The following RNF115 variants were observed in gnomAD, a reference collection of about 807,000 sequenced individuals.
RNF115 encodes the protein ring finger protein 115, also known as E3 ubiquitin-protein ligase RNF115.
RNF115 carries 31 observed loss-of-function variants against 39.2 expected under a neutral mutation model. The observed-to-expected ratio is 0.79, with a 90% CI of 0.59 to 1.07. The LOEUF (loss-of-function observed/expected upper bound fraction) is 1.07, where lower values mean the gene tolerates loss of function less well. Ranked by LOEUF, RNF115 falls within the 50% of genes least tolerant of loss-of-function variation. The pLI is 0.00. For synonymous variants in RNF115, 124 were observed against 131.0 expected, an observed-to-expected ratio of 0.95 and a Z score of 0.37; for missense variants, 384 against 381.7, an observed-to-expected ratio of 1.01 and a Z score of -0.05.
rs184804387 is a variant in RNF115, at chr1:145,786,748, A to G, written c.162-2152T>C. ...ATCTTTTAATTAGCACATGCAGAGC[A>G]TAAGTGCCTGAAATAAGTTATTTGA... On this transcript the variant is annotated intron_variant, in intron 2 of 8. Transcript: ENST00000582693. 2.6e-5 allele frequency among the ~76,000 whole-genome samples: 4 copies of G among 152,386 alleles called. No homozygotes were observed. In the East Asian group the frequency reaches 5.8e-4, roughly 22 times the overall value.
intron 1 of RNF115, among the ~76,000 whole-genome samples, chr1:145,790,204 G>C (rs1412017035): frequency 6.6e-6 from 1 of 151,988 alleles, no homozygotes; most frequent in East Asian, 1.9e-4. Flanking sequence ...GCAATGGTGC[G>C]ATCTTGGCTC....
At chr1:145,750,548 T>C in intron 6 of RNF115, 48 bp from the exon 7 acceptor site, 4 of 1,448,616 alleles carry the variant, frequency 2.8e-6, no homozygotes, top group Non-Finnish European at 3.9e-6. Flanking sequence ...CATCGCAATA[T>C]CCCTGGAGAG....
rs967234718 is a variant in RNF115, at chr1:145,823,939, C to T, written c.-66G>A. 1 of 1,185,492 alleles carries T rather than the reference C, an allele frequency of 8.4e-7. No homozygotes were observed. Among genetic ancestry groups the T allele is most frequent in the Admixed American group, 4.0e-5 (1 of 24,844 alleles). The allele number at this position is 1,185,492 out of a possible 1,614,324, so 73.4% of individuals were successfully genotyped here. On this transcript the variant is annotated 5_prime_UTR_variant, in exon 1 of 9. Coordinates refer to ENST00000582693, the MANE Select transcript of RNF115 (RefSeq NM_014455.4). ...CGTCCCTCGCCAGGCCGCTACCTCC[C>T]GAGCTGCAGTCGTCGCCGCCGCCGC...
At chr1:145,757,984 G>C (rs587752709) in intron 4 of RNF115, among the ~76,000 whole-genome samples, 36 of 152,262 alleles carry the variant, frequency 2.4e-4, no homozygotes, top group Non-Finnish European at 4.3e-4. Flanking sequence ...ATTTTGGGAG[G>C]AAGTGAGTGC....
At chr1:145,751,308 G>C (rs1553712443) in intron 6 of RNF115, 130 bp downstream of exon 6, 1 of 623,228 alleles carries the variant, frequency 1.6e-6, no homozygotes, top group Non-Finnish European at 2.8e-6. Context: ...TAGTAAAATG[G>C]AAACCCCAAA....
At position 145,739,452 on chromosome 1, in the gene RNF115, T is replaced by TTGAACC. The variant is rs1339712503; in HGVS notation, c.*7408_*7413dup. The TTGAACC allele has an allele frequency of 6.6e-6, 1 of 152,226 alleles. No individual in the cohort carries two copies. The highest frequency in any genetic ancestry group is 1.5e-5 in the Non-Finnish European group (1 of 68,036). The allele number at this position is 152,226 out of a possible 1,614,324, so 9.4% of individuals were successfully genotyped here. A position where few individuals can be genotyped will look rare whatever the true frequency, so the allele number is the denominator to read the frequency against. On this transcript the variant is annotated 3_prime_UTR_variant, in exon 9 of 9. Coordinates refer to ENST00000582693, the MANE Select transcript of RNF115 (RefSeq NM_014455.4). ...AGTAAGACTCTTATTAGTGATAGTCTTGAACCTCAAACTAAGGATTTTAGA... is the reference window on the plus strand; with the variant it reads ...AGTAAGACTCTTATTAGTGATAGTCTTGAACCTGAACCTCAAACTAAGGATTTTAGA...
intron 4 of RNF115, among the ~76,000 whole-genome samples, chr1:145,761,550 C>T (rs1292075201): frequency 6.6e-6 from 1 of 152,182 alleles, no homozygotes. Flanking sequence ...GCTGAGCCTG[C>T]GAGTGCACTG....
chr1:145,813,315 C>T (rs587693374), intron 1 of RNF115, among the ~76,000 whole-genome samples: 1 of 151,748 alleles, frequency 6.6e-6, no homozygotes, highest in East Asian at 1.9e-4. Flanking sequence ...TTTGAAGAAA[C>T]TAAAAGGTTA....
chr1:145,782,815 T>C (rs1392543033), intron 3 of RNF115, among the ~76,000 whole-genome samples: 3 of 152,236 alleles, frequency 2.0e-5, no homozygotes, highest in Admixed American at 6.5e-5. Context: ...GAGGAAAGAA[T>C]ACTGAAATCA....
Position 145,823,925 on chromosome 1 carries a change from A to T in RNF115, c.-52T>A. The T allele has an allele frequency of 7.5e-7, 1 of 1,326,524 alleles. No homozygotes were observed. The highest frequency in any genetic ancestry group is 1.0e-6 in the Non-Finnish European group (1 of 999,776). 82.2% of individuals were successfully genotyped at this position (1,326,524 alleles called of 1,614,324 possible). On this transcript the variant is annotated 5_prime_UTR_variant, in exon 1 of 9. Coordinates refer to ENST00000582693, the MANE Select transcript of RNF115 (RefSeq NM_014455.4). ...GAGGGCAGCCGGCCCGTCCCTCGCCAGGCCGCTACCTCCCGAGCTGCAGTC... is the reference window on the plus strand; with the variant it reads ...GAGGGCAGCCGGCCCGTCCCTCGCCTGGCCGCTACCTCCCGAGCTGCAGTC...
chr1:145,817,291 A>AT (rs1243383472), intron 1 of RNF115, among the ~76,000 whole-genome samples: 27 of 56,504 alleles, frequency 4.8e-4, no homozygotes, highest in African/African-American at 1.3e-3. Flanking sequence ...CCCCTGGCTA[A>AT]TTTTTTTAAT....
intron 1 of RNF115, among the ~76,000 whole-genome samples, chr1:145,802,997 C>T (rs1429167715): frequency 6.6e-6 from 1 of 152,116 alleles, no homozygotes. Flanking sequence ...AGTTCTGTTC[C>T]CAGTTCCACC....
At chr1:145,754,615 G>A (rs1553712926) in intron 4 of RNF115, among the ~76,000 whole-genome samples, 3 of 152,160 alleles carry the variant, frequency 2.0e-5, no homozygotes, top group African/African-American at 7.2e-5. Flanking sequence ...GGGATTATAG[G>A]CATGAGCCAC....
At position 145,779,529 on chromosome 1, in the gene RNF115, G is replaced by A. The variant is rs1024201115; in HGVS notation, c.219+5010C>T. Among the ~76,000 whole-genome samples the A allele has an allele frequency of 1.7e-4, 26 of 152,192 alleles. No individual in the cohort carries two copies. The East Asian group carries it at 4.6e-3, about 27-fold the overall frequency. ...TAAAAGGTTTATGACATAATACCAA[G>A]TAAATTTTTAGAGGCAGAAATACAA... On this transcript the variant is annotated intron_variant, in intron 3 of 8. Transcript: ENST00000582693.
chr1:145,766,314 A>G (rs1306614717), intron 4 of RNF115, among the ~76,000 whole-genome samples: 3 of 152,200 alleles, frequency 2.0e-5, no homozygotes, highest in African/African-American at 7.2e-5. Context: ...GTTGGGGGTA[A>G]GGTCACAGAT....
intron 1 of RNF115, among the ~76,000 whole-genome samples, chr1:145,815,904 GAGAA>G (rs1244148024): frequency 1.7e-4 from 24 of 137,574 alleles, no homozygotes; most frequent in Middle Eastern, 3.5e-3. Flanking sequence ...TTTTAATAAG[GAGAA>G]AGAAATTCCT....
At chr1:145,792,022 C>T (rs1180367883) in intron 1 of RNF115, among the ~76,000 whole-genome samples, 1 of 152,042 alleles carries the variant, frequency 6.6e-6, no homozygotes, top group Non-Finnish European at 1.5e-5. Context: ...GCCTTGACCT[C>T]CAGGGCTCAG....
At chr1:145,808,715 G>A (rs1312382308) in intron 1 of RNF115, among the ~76,000 whole-genome samples, 1 of 151,996 alleles carries the variant, frequency 6.6e-6, no homozygotes, top group Non-Finnish European at 1.5e-5. Flanking sequence ...AACCAACGAG[G>A]CTAAGATATA....
intron 1 of RNF115, among the ~76,000 whole-genome samples, chr1:145,805,449 C>CAA (rs782498674): frequency 6.5e-5 from 8 of 122,228 alleles, no homozygotes; most frequent in African/African-American, 2.1e-4. Flanking sequence ...CCCAAGTCTT[C>CAA]AAAAAAAAAA....
Sources: gnomAD v4.1 joint callset for allele counts (sites outside exome capture counted in the v4.1 genomes callset) on GRCh38, gnomAD v4.1.1 for gene constraint, MANE v1.5 for transcripts, NCBI Gene and HGNC (gene_info 2026-07-23, HGNC 2026-07-21) for gene names.